MED12: variants seen among roughly 807,000 people sequenced by gnomAD.
MED12 encodes the protein mediator complex subunit 12, also known as mediator of RNA polymerase II transcription subunit 12.
MED12 carries 10 observed loss-of-function variants against 177.7 expected under a neutral mutation model. The ratio of observed to expected loss-of-function variants is 0.06; its 90% CI spans 0.03 to 0.10. MED12 has a LOEUF of 0.10. Among genes scored for constraint, MED12 ranks in the 10% least tolerant of loss-of-function variants. The pLI is 1.00. For missense variants in MED12, 867 were observed against 1,780.8 expected, an observed-to-expected ratio of 0.49 and a Z score of 9.23; for synonymous variants, 641 against 678.4, an observed-to-expected ratio of 0.94 and a Z score of 0.86.
chrX:71,130,112 C>G lies in MED12; in HGVS notation c.3945C>G (p.Ala1315=), dbSNP rs1169534406. 2 of 1,208,047 alleles carry G rather than the reference C, an allele frequency of 1.7e-6. No homozygotes were observed. The highest frequency in any genetic ancestry group is 2.2e-6 in the Non-Finnish European group (2 of 893,909). ...TGCAAGACCCAGTGTTGAGTAGTGC[C>G]CAGGCGCAGCGCCTCATGCAGCTCA... ...NDLQDPVLSS[A]QAQRLMQLIC... Residue 1315 remains alanine, a synonymous_variant, in exon 28 of 45, where the codon GCC becomes GCG. Coordinates refer to ENST00000374080, the MANE Select transcript of MED12 (RefSeq NM_005120.3).
chrX:71,125,571 C>CT, intron 16 of MED12, 76 bp downstream of exon 16: 2 of 1,176,353 alleles, frequency 1.7e-6, no homozygotes, highest in Non-Finnish European at 2.3e-6. Context: ...GTATAGGGAA[C>CT]TCCCCAGTCA....
chrX:71,128,810 C>A, intron 24 of MED12, 92 bp downstream of exon 24: 1 of 1,071,227 alleles, frequency 9.3e-7, no homozygotes. Flanking sequence ...CTGTGGGAGA[C>A]CTTGCTGCGG....
chrX:71,137,237 C>G lies in MED12; in HGVS notation c.5602C>G (p.Leu1868Val), dbSNP rs1326683020. The change falls in exon 39 of 45, where the codon CTG (leucine) becomes GTG (valine). Residue 1868 changes from leucine to valine, a missense_variant. Leu to Val is a conservative substitution (Grantham distance 32). This residue lies in a region of MED12 where 236 missense variants were observed against 345.2 expected (regional missense o/e 0.68). Coordinates refer to ENST00000374080, the MANE Select transcript of MED12 (RefSeq NM_005120.3). ...TCCTGTGCGCTTACCAATGCAGAAG[C>G]TGCCCACCCGACCAACTTACCCTGG... is the stretch of plus-strand genomic sequence containing the variant. ...YRPVRLPMQKLPTRPTYPGVL... is the reference protein window; with the variant it reads ...YRPVRLPMQKVPTRPTYPGVL... 3 of 1,210,227 alleles carry G rather than the reference C, an allele frequency of 2.5e-6. No homozygotes were observed. Among genetic ancestry groups the G allele is most frequent in the Admixed American group, 2.2e-5 (1 of 45,798 alleles).
chrX:71,139,860 T>C lies in MED12; in HGVS notation c.6045-775T>C, dbSNP rs1048973704. On this transcript the variant is annotated intron_variant, in intron 41 of 44. Transcript: ENST00000374080. ...GTTGCAGTGAGCCGAGATCGCATCATTGCACTCCAGCCTGGGCAACAGAGT... is the reference window on the plus strand; with the variant it reads ...GTTGCAGTGAGCCGAGATCGCATCACTGCACTCCAGCCTGGGCAACAGAGT... Among the ~76,000 whole-genome samples the C allele has an allele frequency of 7.4e-5, 8 of 108,654 alleles. No homozygotes were observed. In the Admixed American group the frequency reaches 7.9e-4, roughly 11 times the overall value. 94.4% of individuals were successfully genotyped at this position (108,654 alleles called of 115,157 possible).
chrX:71,121,845 T>G (rs368175213), intron 7 of MED12, 29 bp downstream of exon 7: 2 of 1,209,643 alleles, frequency 1.7e-6, no homozygotes, highest in Non-Finnish European at 1.1e-6. Context: ...CAAGGAAGCA[T>G]TGAGAGATAG....
intron 41 of MED12, 72 bp downstream of exon 41, chrX:71,138,015 G>A: frequency 9.5e-7 from 1 of 1,050,361 alleles, no homozygotes; most frequent in Non-Finnish European, 1.3e-6. Flanking sequence ...GAAAGCCTGT[G>A]CCTGAAAGTG....
At chrX:71,125,998 TC>T in intron 17 of MED12, 37 bp from the exon 18 acceptor site, 1 of 1,023,438 alleles carries the variant, frequency 9.8e-7, no homozygotes, top group Non-Finnish European at 1.4e-6. Flanking sequence ...CTAGTTATCT[TC>T]CCTGTCTTGA....
intron 12 of MED12, 29 bp from the exon 13 acceptor site, chrX:71,124,130 A>T (rs779770030): frequency 8.6e-7 from 1 of 1,163,309 alleles, no homozygotes. Flanking sequence ...TGTTCTCCTA[A>T]CTTATGTTTC....
chrX:71,118,943 G>A, intron 1 of MED12, 90 bp downstream of exon 1: 1 of 832,715 alleles, frequency 1.2e-6, no homozygotes, highest in Non-Finnish European at 1.7e-6. Flanking sequence ...GGGGCGGGGC[G>A]GTTCGGTGAG....
intron 3 of MED12, 28 bp from the exon 4 acceptor site, chrX:71,119,986 G>C (rs1255088893): frequency 3.3e-6 from 4 of 1,209,451 alleles, no homozygotes; most frequent in Middle Eastern, 2.3e-4. Context: ...GGATAATAGA[G>C]ACCTCACTAT....
chrX:71,123,494 A>G, intron 11 of MED12, 100 bp from the exon 12 acceptor site: 1 of 1,028,070 alleles, frequency 9.7e-7, no homozygotes. Flanking sequence ...AGTGAAAAGC[A>G]TGGGGTAGAG....
chrX:71,121,451 T>C lies in MED12; in HGVS notation c.846+14T>C. 2.5e-6 allele frequency: 3 copies of C among 1,209,314 alleles called. No homozygotes were observed. Among genetic ancestry groups the C allele is most frequent in the Non-Finnish European group, 3.4e-6 (3 of 893,508 alleles). On this transcript the variant is annotated intron_variant, in intron 6 of 44. Transcript: ENST00000374080. Reference sequence around the variant, plus strand: ...CTGCTTCTCCGAGTAAGGCTTGGAATTTTGGTACTGGTGGGGCAGGGGGAG... The same window carrying C: ...CTGCTTCTCCGAGTAAGGCTTGGAACTTTGGTACTGGTGGGGCAGGGGGAG...
At chrX:71,122,938 G>A in intron 10 of MED12, 64 bp downstream of exon 10, 1 of 1,174,779 alleles carries the variant, frequency 8.5e-7, no homozygotes, top group Non-Finnish European at 1.2e-6. Context: ...GTCTGAGAGG[G>A]AAGTCATGGT....
rs1453120284 is a variant in MED12, at chrX:71,124,790, C to T, written c.2001C>T (p.Asp667=). 2 of 1,210,143 alleles carry T rather than the reference C, an allele frequency of 1.7e-6. No homozygotes were observed. Among genetic ancestry groups the T allele is most frequent in the East Asian group, 3.0e-5 (1 of 33,835 alleles). The change falls in exon 14 of 45, where the codon GAC becomes GAT. Residue 667 remains aspartate, a synonymous_variant. Transcript: ENST00000374080. ...ATCCAGGGCTCTCAGAATCTATGGA[C>T]ATTGACCCTAGTTCCAGTGTTCTCT... The part of the protein sequence containing the change: ...LEDPGLSESM[D]IDPSSSVLFE...
At chrX:71,141,036 C>A (rs2092346156) in intron 42 of MED12, among the ~76,000 whole-genome samples, 179 bp downstream of exon 42, 1 of 110,045 alleles carries the variant, frequency 9.1e-6, no homozygotes, top group African/African-American at 3.3e-5. Flanking sequence ...TTCTGGGGAT[C>A]ATAGTGGGAG....
At position 71,127,040 on chromosome X, in the gene MED12, T is replaced by C; in HGVS notation, c.2757T>C (p.Thr919=). ...CCTCGGATCTGGTGGGCAGCTACAC[T>C]ACTAGCCTGTGCCTGTGCATCGTGG... ...LKSSDLVGSY[T]TSLCLCIVAV... Residue 919 remains threonine (T), a synonymous_variant, in exon 20 of 45, where the codon ACT becomes ACC. Coordinates refer to ENST00000374080, the MANE Select transcript of MED12 (RefSeq NM_005120.3). 8.3e-7 allele frequency: 1 copy of C among 1,211,661 alleles called. No homozygotes were observed. Among genetic ancestry groups the C allele is most frequent in the Non-Finnish European group, 1.1e-6 (1 of 895,055 alleles).
At chrX:71,128,261 AG>A in intron 22 of MED12, 34 bp from the exon 23 acceptor site, 1 of 1,211,315 alleles carries the variant, frequency 8.3e-7, no homozygotes, top group Non-Finnish European at 1.1e-6. Flanking sequence ...TTGTGGAGCA[AG>A]GTTTTTCCTG....
Position 71,141,355 on chromosome X carries a change from C to A in MED12, c.6393C>A (p.Pro2131=). ...AGGCGGCTCCTCCCCAACCCCAGCC[C>A]CAGTCCCAGCCCCAGGTAGCTGCTG... is the stretch of plus-strand genomic sequence containing the variant. ...QQQAAPPQPQ[P]QSQPQFQRQG... is the part of the protein sequence containing the mutation. Residue 2131 remains proline, a synonymous_variant, in exon 43 of 45, where the codon CCC becomes CCA. Transcript: ENST00000374080. 3 of 1,163,050 alleles carry A rather than the reference C, an allele frequency of 2.6e-6. No individual in the cohort carries two copies. Among genetic ancestry groups the A allele is most frequent in the Non-Finnish European group, 3.4e-6 (3 of 871,567 alleles).
rs929281672 is a variant in MED12, at chrX:71,124,367, C to A, written c.1953C>A (p.Gly651=). 1 of 1,193,540 alleles carries A rather than the reference C, an allele frequency of 8.4e-7. No individual in the cohort carries two copies. Among genetic ancestry groups the A allele is most frequent in the African/African-American group, 1.8e-5 (1 of 56,765 alleles). ...ACCCAGAGCACAAGGAGGCTGAAGG[C>A]AGCAGCAGCAGCAAGCTGGAAGTGA... ...ADDPEHKEAE[G]SSSSKLEDPG... is the part of the protein sequence containing the mutation. Residue 651 remains glycine, a synonymous_variant, in exon 13 of 45, where the codon GGC becomes GGA. Coordinates refer to ENST00000374080, the MANE Select transcript of MED12 (RefSeq NM_005120.3).
Sources: gnomAD v4.1 joint callset for allele counts (sites outside exome capture counted in the v4.1 genomes callset) on GRCh38, gnomAD v4.1.1 for gene constraint, gnomAD v4.1.1 regional missense constraint, MANE v1.5 for transcripts, NCBI Gene and HGNC (gene_info 2026-07-23, HGNC 2026-07-21) for gene names.